GGCT: variants seen among roughly 807,000 people sequenced by gnomAD.
GGCT encodes cytochrome c-releasing factor 21.
In GGCT, 20 loss-of-function variants were observed where a neutral mutation model predicts 22.1. The ratio of observed to expected loss-of-function variants is 0.91; its 90% CI spans 0.64 to 1.32. GGCT has a LOEUF of 1.32. Ranked by LOEUF, GGCT falls within the 40% of genes most tolerant of loss-of-function variation. The probability of loss-of-function intolerance (pLI) is 0.00; values close to 1 mark genes in which losing one functional copy is unlikely to be tolerated. For missense variants in GGCT, 209 were observed against 223.5 expected, an observed-to-expected ratio of 0.94 and a Z score of 0.41; for synonymous variants, 72 against 78.4, an observed-to-expected ratio of 0.92 and a Z score of 0.43.
intron 3 of GGCT, chr7:30,497,932 G>A (rs1789593526): frequency 8.1e-7 from 1 of 1,238,464 alleles, no homozygotes; most frequent in African/African-American, 1.5e-5. Context: ...TAGAAAGTAT[G>A]TTTTTTTCCC....
chr7:30,502,025 G>C (rs1318007386), intron 1 of GGCT, among the ~76,000 whole-genome samples: 39 of 152,142 alleles, frequency 2.6e-4, no homozygotes, highest in Admixed American at 2.4e-3. Flanking sequence ...GCGGAACATA[G>C]GTAACCACCT....
intron 1 of GGCT, among the ~76,000 whole-genome samples, chr7:30,502,017 G>A (rs748644441): frequency 3.3e-5 from 5 of 152,174 alleles, no homozygotes; most frequent in Non-Finnish European, 5.9e-5. Flanking sequence ...ACTTCTCAGC[G>A]GAACATAGGT....
chr7:30,500,758 C>T, intron 1 of GGCT, 77 bp from the exon 2 acceptor site: 1 of 1,174,878 alleles, frequency 8.5e-7, no homozygotes, highest in Non-Finnish European at 1.2e-6. Context: ...AAAGGATTTA[C>T]CTTGAACTCC....
intron 1 of GGCT, 140 bp downstream of exon 1, chr7:30,504,429 G>T (rs927350753): frequency 6.1e-6 from 6 of 980,558 alleles, no homozygotes; most frequent in African/African-American, 1.6e-5. Context: ...AGGTGGACCC[G>T]CCCAGGAGGC....
At chr7:30,499,654 G>A (rs1253913080) in intron 2 of GGCT, among the ~76,000 whole-genome samples, 1 of 151,908 alleles carries the variant, frequency 6.6e-6, no homozygotes, top group African/African-American at 2.4e-5. Flanking sequence ...AGAGGTTGGG[G>A]TGAGCCGAGA....
At chr7:30,498,016 T>G in intron 3 of GGCT, 1 of 225,050 alleles carries the variant, frequency 4.4e-6, no homozygotes, top group Non-Finnish European at 9.2e-6. Flanking sequence ...CATATATATA[T>G]ATATATAGAT....
At chr7:30,504,446 C>G in intron 1 of GGCT, 123 bp downstream of exon 1, 1 of 1,153,982 alleles carries the variant, frequency 8.7e-7, no homozygotes, top group Non-Finnish European at 1.2e-6. Flanking sequence ...AGGCGGAAGC[C>G]GCGTCCTAGT....
intron 2 of GGCT, among the ~76,000 whole-genome samples, chr7:30,499,542 A>G (rs761071546): frequency 1.8e-4 from 27 of 147,708 alleles, no homozygotes; most frequent in African/African-American, 5.5e-4. Context: ...TGTCTCTACT[A>G]AAAAAAAAAC....
At chr7:30,497,315 T>C in intron 3 of GGCT, 80 bp from the exon 4 acceptor site, 1 of 1,018,250 alleles carries the variant, frequency 9.8e-7, no homozygotes, top group South Asian at 1.6e-5. Context: ...ACAGCTTTAT[T>C]TGCCTTCTCA....
chr7:30,498,841 T>C lies in GGCT; in HGVS notation c.385A>G (p.Asn129Asp). The change falls in exon 3 of 4, where the codon AAT becomes GAT. Residue 129 changes from asparagine to aspartate, a missense_variant. By Grantham distance (23) the Asn-to-Asp change is conservative. Coordinates refer to ENST00000275428, the MANE Select transcript of GGCT (RefSeq NM_024051.4). ...GGGGATGGGGGAGCACTTTCGTAAT[T>C]TGTCATCAGATAACTTCGACAGGTT... Reference protein sequence around the residue: ...EITCRSYLMTNYESAPPSPQY... With the variant: ...EITCRSYLMTDYESAPPSPQY... 6.2e-7 allele frequency: 1 copy of C among 1,613,572 alleles called. No homozygotes were observed. Among genetic ancestry groups the C allele is most frequent in the Non-Finnish European group, 8.5e-7 (1 of 1,179,434 alleles).
chr7:30,501,951 T>C (rs1188744547), intron 1 of GGCT, among the ~76,000 whole-genome samples: 1 of 152,240 alleles, frequency 6.6e-6, no homozygotes, highest in Non-Finnish European at 1.5e-5. Context: ...CAATTCACAC[T>C]AACTGGTTGT....
chr7:30,500,469 C>A, intron 2 of GGCT, 67 bp downstream of exon 2: 1 of 1,269,588 alleles, frequency 7.9e-7, no homozygotes, highest in Admixed American at 1.7e-5. Flanking sequence ...CACACAGGTA[C>A]ACATCCTCAC....
chr7:30,498,042 C>CATATATATACATATATGTATAT (rs1789598778), intron 3 of GGCT: 1 of 184,870 alleles, frequency 5.4e-6, no homozygotes, highest in Non-Finnish European at 1.1e-5. Context: ...CACACATATA[C>CATATATATACATATATGTATAT]ATATATATAC....
chr7:30,503,962 C>T (rs1789763502), intron 1 of GGCT, among the ~76,000 whole-genome samples: 1 of 152,102 alleles, frequency 6.6e-6, no homozygotes, highest in Admixed American at 6.5e-5. Flanking sequence ...AGCCACTTTA[C>T]TCAATCATGT....
At chr7:30,497,360 A>G (rs1789571304) in intron 3 of GGCT, 125 bp from the exon 4 acceptor site, 1 of 621,352 alleles carries the variant, frequency 1.6e-6, no homozygotes, top group Non-Finnish European at 2.7e-6. Context: ...TAACTCTAGA[A>G]TAAACAATTA....
Position 30,497,064 on chromosome 7 carries a change from A to C in GGCT, c.*28T>G. On this transcript the variant is annotated 3_prime_UTR_variant, in exon 4 of 4. Coordinates refer to ENST00000275428, the MANE Select transcript of GGCT (RefSeq NM_024051.4). Reference sequence around the variant, plus strand: ...AAAAATATTTTATATTAGCACATAGAATACCCTTAGATATATTCTGTTATG... The same window carrying C: ...AAAAATATTTTATATTAGCACATAGCATACCCTTAGATATATTCTGTTATG... The C allele has an allele frequency of 6.9e-7, 1 of 1,442,044 alleles. No homozygotes were observed. The highest frequency in any genetic ancestry group is 9.5e-7 in the Non-Finnish European group (1 of 1,050,460). The allele number at this position is 1,442,044 out of a possible 1,614,324, so 89.3% of individuals were successfully genotyped here.
At chr7:30,498,976 C>G (rs1789629818) in intron 2 of GGCT, 38 bp from the exon 3 acceptor site, 14 of 1,609,316 alleles carry the variant, frequency 8.7e-6, no homozygotes, top group Non-Finnish European at 1.2e-5. Context: ...CACATTTGAC[C>G]TAGCCAATTT....
chr7:30,499,529 C>T (rs148346003), intron 2 of GGCT, among the ~76,000 whole-genome samples: 8 of 139,728 alleles, frequency 5.7e-5, no homozygotes, highest in Non-Finnish European at 1.3e-4. Context: ...CATGGAGAAA[C>T]CTTGTCTCTA....
chr7:30,503,030 G>A (rs930360169), intron 1 of GGCT, among the ~76,000 whole-genome samples: 2 of 152,158 alleles, frequency 1.3e-5, no homozygotes, highest in African/African-American at 4.8e-5. Context: ...CAGCCACACT[G>A]ACTGAAAGAT....
Sources: gnomAD v4.1 joint callset for allele counts (sites outside exome capture counted in the v4.1 genomes callset) on GRCh38, gnomAD v4.1.1 for gene constraint, MANE v1.5 for transcripts, NCBI Gene and HGNC (gene_info 2026-07-23, HGNC 2026-07-21) for gene names.